IWS1: variants seen among roughly 807,000 people sequenced by gnomAD.
IWS1 encodes protein IWS1 homolog.
IWS1 carries 27 observed loss-of-function variants against 86.7 expected under a neutral mutation model. The observed-to-expected ratio is 0.31, with a 90% confidence interval of 0.23 to 0.43. The LOEUF (loss-of-function observed/expected upper bound fraction) is 0.43. Among genes scored for constraint, IWS1 ranks in the 20% least tolerant of loss-of-function variants. The probability of loss-of-function intolerance (pLI) is 1.00; values close to 1 mark genes in which losing one functional copy is unlikely to be tolerated. For missense variants in IWS1, 827 were observed against 1,000.8 expected (o/e 0.83, Z 2.34); for synonymous variants, 313 against 335.1 (o/e 0.93, Z 0.72).
At chr2:127,483,425 A>G (rs1382534449) in intron 13 of IWS1, among the ~76,000 whole-genome samples, 1 of 151,928 alleles carries the variant, frequency 6.6e-6, no homozygotes, top group East Asian at 1.9e-4. Context: ...CCTGAGCAAG[A>G]TGGTGAAACC....
rs771639119 is a variant in IWS1 at position 127,505,592 on chromosome 2, G to A, written c.311C>T (p.Pro104Leu). ...ATCCTCATTTTCAGAATCGCTTGCA[G>A]GAGGCTCTGCACGTTCCTCAGATTC... ...DSESEERAEP[P>L]ASDSENEDVN... is the part of the protein sequence containing the mutation. Residue 104 changes from proline to leucine, a missense_variant, in exon 3 of 14, where the codon CCT becomes CTT. Around this residue, in one of 2 missense-constraint regions of IWS1, gnomAD observed 548 missense variants for 560.2 expected, o/e 0.98. Coordinates refer to ENST00000295321, the MANE Select transcript of IWS1 (RefSeq NM_017969.3). This position sits in a 1 kb window ranked among gnomAD's most constrained non-coding sequence, Gnocchi z 5.0. The A allele has an allele frequency of 1.9e-6, 3 of 1,613,790 alleles. No individual in the cohort carries two copies. The highest frequency in any genetic ancestry group is 2.5e-6 in the Non-Finnish European group (3 of 1,179,966).
At chr2:127,514,358 G>A (rs191379) in intron 2 of IWS1, 2,686 of 154,610 alleles carry the variant, frequency 0.017, 85 homozygotes, top group African/African-American at 0.06. Context: ...AAAAAGGGGT[G>A]TCTAACACTG....
chr2:127,521,123 C>A (rs757503925), intron 2 of IWS1, among the ~76,000 whole-genome samples: 5 of 152,194 alleles, frequency 3.3e-5, no homozygotes, highest in Non-Finnish European at 5.9e-5. Flanking sequence ...GGCGTGGTAG[C>A]GCACTGTAAT....
At chr2:127,483,318 A>G (rs1294729404) in intron 13 of IWS1, among the ~76,000 whole-genome samples, 1 of 152,104 alleles carries the variant, frequency 6.6e-6, no homozygotes, top group Non-Finnish European at 1.5e-5. Flanking sequence ...TCATAAACGA[A>G]CGAATAAACA....
At position 127,500,433 on chromosome 2, in the gene IWS1, GCAAA is replaced by G. The variant is rs541354529; in HGVS notation, c.1468-2200_1468-2197del. On this transcript the variant is annotated intron_variant, in intron 5 of 13. Transcript: ENST00000295321. ...TATCTATAAAGCCATGTTATTAGGC[GCAAA>G]CAATTTTAAAATCTTTTTATCGATA... is the stretch of plus-strand genomic sequence containing the variant. Among the ~76,000 whole-genome samples the G allele has an allele frequency of 7.3e-4, 111 of 152,072 alleles. 2 individuals are homozygous for G. The highest frequency in any genetic ancestry group is 2.1e-3 in the African/African-American group (87 of 41,500).
chr2:127,487,527 T>C (rs528601740), intron 12 of IWS1, among the ~76,000 whole-genome samples: 88 of 152,200 alleles, frequency 5.8e-4, no homozygotes, highest in Middle Eastern at 3.4e-3. Context: ...AAATTCTCAA[T>C]TGTTTCTATT....
intron 2 of IWS1, among the ~76,000 whole-genome samples, chr2:127,511,722 G>T (rs750159702): frequency 7.9e-5 from 12 of 152,052 alleles, no homozygotes; most frequent in Admixed American, 3.3e-4. Context: ...AACCCCACAA[G>T]CAATGCTTAA....
At chr2:127,498,300 T>C in intron 5 of IWS1, 63 bp from the exon 6 acceptor site, 1 of 1,518,684 alleles carries the variant, frequency 6.6e-7, no homozygotes, top group South Asian at 1.2e-5. Flanking sequence ...TTCTTAATAT[T>C]TTGCATTTTT....
At chr2:127,491,898 A>T in intron 10 of IWS1, 73 bp downstream of exon 10, 1 of 882,256 alleles carries the variant, frequency 1.1e-6, no homozygotes, top group Non-Finnish European at 1.9e-6. Flanking sequence ...GTAAAAATAC[A>T]GCTTTTATAT....
At chr2:127,493,854 A>C (rs952393827) in intron 8 of IWS1, among the ~76,000 whole-genome samples, 2 of 139,622 alleles carry the variant, frequency 1.4e-5, no homozygotes, top group Non-Finnish European at 3.1e-5. Context: ...AAAAAAAAAA[A>C]CTCAATAAAA....
intron 2 of IWS1, among the ~76,000 whole-genome samples, 197 bp downstream of exon 2, chr2:127,523,479 A>G (rs1692220449): frequency 6.6e-6 from 1 of 152,234 alleles, no homozygotes. Context: ...CCCAATCAGA[A>G]CATATTTCAC....
At position 127,502,876 on chromosome 2, in the gene IWS1, G is replaced by A; in HGVS notation, c.1410-4C>T. On this transcript the variant is annotated splice_region_variant and splice_polypyrimidine_tract_variant and intron_variant, in intron 4 of 13. Transcript: ENST00000295321. ...AAATATGTCTGCAATAAGATTTCTA[G>A]AAAGTAGACAAATGTAAAAACATTC... The A allele has an allele frequency of 6.7e-7, 1 of 1,500,408 alleles. No individual in the cohort carries two copies. Among genetic ancestry groups the A allele is most frequent in the Non-Finnish European group, 9.2e-7 (1 of 1,082,060 alleles). The allele number at this position is 1,500,408 out of a possible 1,614,324, so 92.9% of individuals were successfully genotyped here. A position where few individuals can be genotyped will look rare whatever the true frequency, so the allele number is the denominator to read the frequency against.
intron 1 of IWS1, among the ~76,000 whole-genome samples, chr2:127,525,320 T>G (rs754528363): frequency 1.3e-5 from 2 of 152,192 alleles, no homozygotes; most frequent in Non-Finnish European, 2.9e-5. Flanking sequence ...TAGAATTCAC[T>G]GTCCTACGTA....
Position 127,486,716 on chromosome 2 carries a change from G to T in IWS1, c.2217-52C>A, listed in dbSNP as rs1338544614. On this transcript the variant is annotated intron_variant, in intron 12 of 13. Coordinates refer to ENST00000295321, the MANE Select transcript of IWS1 (RefSeq NM_017969.3). ...CTTCTTATGTGGCCAGCCACAGTGG[G>T]GCACATAGGCCATTTCACACTCCTG... 2.2e-6 allele frequency: 3 copies of T among 1,350,866 alleles called. No individual in the cohort carries two copies. The East Asian group carries it at 6.9e-5, about 31-fold the overall frequency. The allele number at this position is 1,350,866 out of a possible 1,614,324, so 83.7% of individuals were successfully genotyped here. A position where few individuals can be genotyped will look rare whatever the true frequency, so the allele number is the denominator to read the frequency against.
chr2:127,513,616 G>A (rs1286763672), intron 2 of IWS1, among the ~76,000 whole-genome samples: 2 of 152,008 alleles, frequency 1.3e-5, no homozygotes, highest in Non-Finnish European at 2.9e-5. Context: ...AGGGTTCTTC[G>A]CAAGGTTCTT....
intron 1 of IWS1, among the ~76,000 whole-genome samples, chr2:127,525,514 G>C (rs1282526717): frequency 6.6e-6 from 1 of 152,196 alleles, no homozygotes; most frequent in African/African-American, 2.4e-5. Flanking sequence ...GAAAGCAAAT[G>C]CGACGTGTTT....
chr2:127,504,701 T>G lies in IWS1; in HGVS notation c.1202A>C (p.Glu401Ala). 1 of 1,603,264 alleles carries G rather than the reference T, an allele frequency of 6.2e-7. No homozygotes were observed. Residue 401 changes from glutamate (E) to alanine (A), a missense_variant, in exon 3 of 14, where the codon GAA becomes GCA. Physicochemically the swap from Glu to Ala is moderately radical, Grantham distance 107 (BLOSUM62 -1). Around this residue, in one of 2 missense-constraint regions of IWS1, gnomAD observed 548 missense variants for 560.2 expected, o/e 0.98. Transcript: ENST00000295321. ...CTCCTTACATGCTTTCTCTTCATCTTCACTATCAGAAAGCACAGCAGCTTT... is the reference window on the plus strand; with the variant it reads ...CTCCTTACATGCTTTCTCTTCATCTGCACTATCAGAAAGCACAGCAGCTTT... ...KRKAAVLSDSEDEEKASAKKS... is the reference protein window; with the variant it reads ...KRKAAVLSDSADEEKASAKKS...
At chr2:127,523,913 A>G in intron 1 of IWS1, 122 bp from the exon 2 acceptor site, 3 of 663,246 alleles carry the variant, frequency 4.5e-6, no homozygotes, top group Non-Finnish European at 7.9e-6. Context: ...AGCATTAACT[A>G]AAGTTGCTAA....
Position 127,492,014 on chromosome 2 carries a change from G to T in IWS1, c.2004C>A (p.Pro668=), listed in dbSNP as rs76868291. 3,727 of 1,613,678 alleles carry T rather than the reference G, an allele frequency of 2.3e-3. 71 individuals carry two copies. In the African/African-American group the frequency reaches 0.042, roughly 18 times the overall value. The change falls in exon 10 of 14, where the codon CCC becomes CCA. Residue 668 remains proline (P), a synonymous_variant. Coordinates refer to ENST00000295321, the MANE Select transcript of IWS1 (RefSeq NM_017969.3). ...TGTCCTTGTTAGACCTTGACTCCTT[G>T]GGGTGTTTATAGAGATACATCACTG... is the stretch of plus-strand genomic sequence containing the variant. ...GRAVMYLYKH[P]KESRSNKDMA... is the part of the protein sequence containing the mutation.
Sources: gnomAD v4.1 joint callset for allele counts (sites outside exome capture counted in the v4.1 genomes callset) on GRCh38, gnomAD v4.1.1 for gene constraint, gnomAD v4.1.1 regional missense constraint, Gnocchi (gnomAD v3.1) non-coding constraint, MANE v1.5 for transcripts, NCBI Gene and HGNC (gene_info 2026-07-23, HGNC 2026-07-21) for gene names.